PDPK1: variants seen among roughly 807,000 people sequenced by gnomAD.
PDPK1 encodes the protein 3-phosphoinositide dependent protein kinase 1, also known as 3-phosphoinositide-dependent protein kinase 1.
PDPK1 carries 7 observed loss-of-function variants against 39.8 expected under a neutral mutation model. The ratio of observed to expected loss-of-function variants is 0.18; its 90% CI spans 0.10 to 0.33. PDPK1 has a LOEUF of 0.33. Among genes scored for constraint, PDPK1 ranks in the 10% least tolerant of loss-of-function variants. The probability of loss-of-function intolerance (pLI) is 1.00; values close to 1 mark genes in which losing one functional copy is unlikely to be tolerated. For missense variants in PDPK1, 182 were observed against 384.7 expected (o/e 0.47, Z 4.41); for synonymous variants, 118 against 159.1 (o/e 0.74, Z 1.95).
At position 2,602,405 on chromosome 16, in the gene PDPK1, T is replaced by A. The variant is rs1342350012; in HGVS notation, c.*4638T>A. ...TGTTGAGATGGCTGTGGTGAGCAAC[T>A]GAACGAGCCTACGTGTGTACCTGAA... On this transcript the variant is annotated 3_prime_UTR_variant, in exon 14 of 14. Transcript: ENST00000342085. The A allele has an allele frequency of 4.3e-6, 1 of 235,088 alleles. No individual in the cohort carries two copies. Among genetic ancestry groups the A allele is most frequent in the Admixed American group, 5.6e-5 (1 of 17,788 alleles). 14.6% of individuals were successfully genotyped at this position (235,088 alleles called of 1,614,324 possible).
At chr16:2,559,871 G>A (rs533245495) in intron 2 of PDPK1, among the ~76,000 whole-genome samples, 3 of 151,730 alleles carry the variant, frequency 2.0e-5, no homozygotes, top group Admixed American at 6.6e-5. Context: ...GGAGGTGCCC[G>A]GGAGAGCACG....
intron 1 of PDPK1, among the ~76,000 whole-genome samples, chr16:2,551,721 C>G (rs1418464133): frequency 6.9e-6 from 1 of 145,466 alleles, no homozygotes; most frequent in African/African-American, 2.6e-5. Flanking sequence ...GGCTGGAATG[C>G]GGTGACGCAA....
intron 1 of PDPK1, among the ~76,000 whole-genome samples, chr16:2,543,769 T>C: frequency 6.6e-6 from 1 of 152,244 alleles, no homozygotes; most frequent in South Asian, 2.1e-4. Flanking sequence ...TCGCCCAGGC[T>C]GGAGTGCAGT....
At chr16:2,538,243 G>A in intron 1 of PDPK1, 107 bp downstream of exon 1, 1 of 499,816 alleles carries the variant, frequency 2.0e-6, no homozygotes, top group South Asian at 8.1e-5. Context: ...AGGGCCGGGT[G>A]CCTCCTTACC....
In PDPK1 at chr16:2,599,958, C is replaced by G. The variant is rs2067183468; in HGVS notation, c.*2191C>G. 1 of 233,216 alleles carries G rather than the reference C, an allele frequency of 4.3e-6. No individual in the cohort carries two copies. Among genetic ancestry groups the G allele is most frequent in the Non-Finnish European group, 8.5e-6 (1 of 118,092 alleles). 14.4% of individuals were successfully genotyped at this position (233,216 alleles called of 1,614,324 possible). On this transcript the variant is annotated 3_prime_UTR_variant, in exon 14 of 14. Coordinates refer to ENST00000342085, the MANE Select transcript of PDPK1 (RefSeq NM_002613.5). ...ACCTCCAAAGCCACAGAACTAGGGG[C>G]TCAGAGCCAGAGCTGGCAGCCGCCA... is the stretch of plus-strand genomic sequence containing the variant.
intron 7 of PDPK1, among the ~76,000 whole-genome samples, chr16:2,580,311 C>G (rs1024399608): frequency 1.4e-5 from 2 of 145,156 alleles, no homozygotes; most frequent in African/African-American, 5.4e-5. Context: ...GTGTCTGATG[C>G]GCCACCCAAC....
chr16:2,602,183 T>C lies in PDPK1; in HGVS notation c.*4416T>C, dbSNP rs938220588. On this transcript the variant is annotated 3_prime_UTR_variant, in exon 14 of 14. Coordinates refer to ENST00000342085, the MANE Select transcript of PDPK1 (RefSeq NM_002613.5). The stretch of plus-strand genomic sequence containing the variant: ...TCCCCAGTTATTTTCAAACTTGACA[T>C]GAGCCTATGTTGACTCACTGGGTGG... The C allele has an allele frequency of 2.6e-5, 6 of 234,368 alleles. No homozygotes were observed. Among genetic ancestry groups the C allele is most frequent in the Non-Finnish European group, 5.1e-5 (6 of 118,006 alleles). 14.5% of individuals were successfully genotyped at this position (234,368 alleles called of 1,614,324 possible).
At chr16:2,594,668 G>A (rs1322977325) in intron 11 of PDPK1, 1 of 151,940 alleles carries the variant, frequency 6.6e-6, no homozygotes, top group Non-Finnish European at 1.5e-5. Context: ...ACCACATGAG[G>A]TAAACTGCAG....
In PDPK1 at chr16:2,597,240, G is replaced by C; in HGVS notation, c.1519G>C (p.Glu507Gln). The change falls in exon 13 of 14, where the codon GAG becomes CAG. Residue 507 changes from glutamate to glutamine, a missense_variant. Physicochemically the swap from Glu to Gln is conservative, Grantham distance 29. This residue lies in a region of PDPK1 where 67 missense variants were observed against 87.8 expected (regional missense o/e 0.76). Transcript: ENST00000342085. This position sits in a 1 kb window ranked among gnomAD's most constrained non-coding sequence, Gnocchi z 6.3. ...TCCTTGGTCACAAGAACTTCGACCA[G>C]AGGCCAAGAATTTTAAAACTTTCTT... ...EIPWSQELRP[E>Q]AKNFKTFFVH... The C allele has an allele frequency of 6.3e-7, 1 of 1,596,536 alleles. No individual in the cohort carries two copies. Among genetic ancestry groups the C allele is most frequent in the Non-Finnish European group, 8.6e-7 (1 of 1,165,818 alleles).
At chr16:2,540,850 G>T (rs1196174962) in intron 1 of PDPK1, among the ~76,000 whole-genome samples, 1 of 152,230 alleles carries the variant, frequency 6.6e-6, no homozygotes, top group Non-Finnish European at 1.5e-5. Flanking sequence ...AGAATTGGGG[G>T]ACTAGGCAGA....
At chr16:2,589,066 C>T (rs557597311) in intron 11 of PDPK1, among the ~76,000 whole-genome samples, 5 of 152,294 alleles carry the variant, frequency 3.3e-5, no homozygotes, top group East Asian at 1.9e-4. Flanking sequence ...AGTGATTCTC[C>T]TGTCTCAGCC....
chr16:2,598,077 C>A lies in PDPK1; in HGVS notation c.*310C>A. ...GCACGTCAACCCAGTCCCGCCCAGA[C>A]TAGTGGACAGACCTGGTGTCACCAG... On this transcript the variant is annotated 3_prime_UTR_variant, in exon 14 of 14. Transcript: ENST00000342085. 2.3e-6 allele frequency: 1 copy of A among 439,320 alleles called. No individual in the cohort carries two copies. Among genetic ancestry groups the A allele is most frequent in the Non-Finnish European group, 4.1e-6 (1 of 242,066 alleles). 27.2% of individuals were successfully genotyped at this position (439,320 alleles called of 1,614,324 possible). A position where few individuals can be genotyped will look rare whatever the true frequency, so the allele number is the denominator to read the frequency against.
At chr16:2,592,199 A>C (rs1597070767) in intron 11 of PDPK1, among the ~76,000 whole-genome samples, 1 of 152,288 alleles carries the variant, frequency 6.6e-6, no homozygotes, top group East Asian at 1.9e-4. Flanking sequence ...AGGTGGCAAG[A>C]ACCTGCGCTT....
intron 11 of PDPK1, among the ~76,000 whole-genome samples, chr16:2,592,011 C>A (rs553350122): frequency 1.3e-5 from 2 of 152,186 alleles, no homozygotes; most frequent in African/African-American, 4.8e-5. Context: ...CACTGGCTCC[C>A]GCCCTTACTG....
intron 11 of PDPK1, among the ~76,000 whole-genome samples, chr16:2,592,288 G>A (rs1033649129): frequency 2.0e-5 from 3 of 152,108 alleles, no homozygotes; most frequent in African/African-American, 7.2e-5. Context: ...GGTGGGGAGA[G>A]GTGTCGCCTG....
At chr16:2,594,963 T>A (rs908328854) in intron 11 of PDPK1, among the ~76,000 whole-genome samples, 2 of 151,888 alleles carry the variant, frequency 1.3e-5, no homozygotes, top group South Asian at 2.1e-4. Flanking sequence ...CTACTAAAGA[T>A]ACAAAAAAAA....
intron 1 of PDPK1, among the ~76,000 whole-genome samples, chr16:2,546,141 T>A (rs1383851030): frequency 6.6e-6 from 1 of 152,118 alleles, no homozygotes; most frequent in African/African-American, 2.4e-5. Flanking sequence ...TGGAGTGCAG[T>A]GGCGCGATCT....
At position 2,597,636 on chromosome 16, in the gene PDPK1, CT is replaced by C. The variant is rs750685405; in HGVS notation, c.1555-13del. On this transcript the variant is annotated splice_polypyrimidine_tract_variant and intron_variant, in intron 13 of 13. Transcript: ENST00000342085. The surrounding 1 kb of genome is among the most constrained non-coding windows in gnomAD (Gnocchi z 6.3). ...GGACTCCCTGGAGAACACTAAACGGCTTCTGTCTTCGCAGCCTAACAGGACG... is the reference window on the plus strand; with the variant it reads ...GGACTCCCTGGAGAACACTAAACGGCTCTGTCTTCGCAGCCTAACAGGACG... 6 of 1,583,960 alleles carry C rather than the reference CT, an allele frequency of 3.8e-6. No individual in the cohort carries two copies. The East Asian group carries it at 1.3e-4, about 35-fold the overall frequency.
At chr16:2,542,366 G>C (rs2066260385) in intron 1 of PDPK1, among the ~76,000 whole-genome samples, 1 of 152,038 alleles carries the variant, frequency 6.6e-6, no homozygotes, top group Non-Finnish European at 1.5e-5. Context: ...TCACTATGTT[G>C]CCCAGGCTAC....
Sources: allele counts gnomAD v4.1 joint callset (sites outside exome capture counted in the v4.1 genomes callset), GRCh38; gene constraint gnomAD v4.1.1; regional missense constraint gnomAD v4.1.1; non-coding constraint Gnocchi (gnomAD v3.1); transcripts MANE v1.5; gene names NCBI Gene and HGNC (gene_info 2026-07-23, HGNC 2026-07-21).